LARGE1: variants seen among roughly 807,000 people sequenced by gnomAD.
LARGE1 encodes the protein LARGE xylosyl- and glucuronyltransferase 1.
In LARGE1, 43 loss-of-function variants were observed where a neutral mutation model predicts 87.6. The observed-to-expected ratio is 0.49, with a 90% CI of 0.38 to 0.63. The LOEUF (loss-of-function observed/expected upper bound fraction) is 0.63. Ranked by LOEUF, LARGE1 falls within the 30% of genes least tolerant of loss-of-function variation. LARGE1 has a pLI of 0.00. For missense variants in LARGE1, 802 were observed against 1,000.2 expected, an observed-to-expected ratio of 0.80 and a Z score of 2.67; for synonymous variants, 434 against 394.6, an observed-to-expected ratio of 1.10 and a Z score of -1.18.
intron 2 of LARGE1, among the ~76,000 whole-genome samples, chr22:33,702,820 C>T (rs1419546975): frequency 6.6e-6 from 1 of 152,026 alleles, no homozygotes; most frequent in African/African-American, 2.4e-5. Flanking sequence ...GATGTGTAGG[C>T]TCAAGATATT....
intron 2 of LARGE1, among the ~76,000 whole-genome samples, chr22:33,729,965 TGTGTGTGC>T (rs953741670): frequency 5.9e-5 from 9 of 152,178 alleles, no homozygotes; most frequent in African/African-American, 1.9e-4. Flanking sequence ...TCATGAAGTG[TGTGTGTGC>T]GTGTGTGCAT....
intron 1 of LARGE1, among the ~76,000 whole-genome samples, chr22:33,881,558 T>C (rs1035829501): frequency 4.6e-5 from 7 of 152,234 alleles, no homozygotes; most frequent in Non-Finnish European, 1.0e-4. Context: ...AAAATATGTT[T>C]CCATGGCAAA....
intron 6 of LARGE1, among the ~76,000 whole-genome samples, chr22:33,467,411 G>T (rs1030194702): frequency 6.6e-6 from 1 of 152,158 alleles, no homozygotes; most frequent in African/African-American, 2.4e-5. Context: ...CCAACTTTTT[G>T]TGATAGCTAA....
intron 7 of LARGE1, among the ~76,000 whole-genome samples, chr22:33,397,138 G>A (rs1317333548): frequency 1.3e-5 from 2 of 151,448 alleles, no homozygotes; most frequent in Non-Finnish European, 2.9e-5. Context: ...TTTTTGAGAT[G>A]GAGTTTCGCT....
At chr22:33,278,634 C>G (rs1018416667) in intron 13 of LARGE1, among the ~76,000 whole-genome samples, 2 of 151,980 alleles carry the variant, frequency 1.3e-5, no homozygotes, top group Non-Finnish European at 2.9e-5. Flanking sequence ...TGTCAAAGTA[C>G]AAGTAGTCAG....
At chr22:33,711,186 GC>G (rs2082720321) in intron 2 of LARGE1, among the ~76,000 whole-genome samples, 1 of 152,148 alleles carries the variant, frequency 6.6e-6, no homozygotes, top group South Asian at 2.1e-4. Flanking sequence ...AGAGAGAAGA[GC>G]CCTGCTAAGG....
At chr22:33,921,049 G>C (rs1601922974), upstream of LARGE1, among the ~76,000 whole-genome samples, 1 of 150,376 alleles carries the variant, frequency 6.6e-6, no homozygotes, top group African/African-American at 2.4e-5. The surrounding 1 kb of genome is among the most constrained non-coding windows in gnomAD (Gnocchi z 4.1). Flanking sequence ...GGGGGACCGC[G>C]AGCCGGGGCT....
intron 1 of LARGE1, among the ~76,000 whole-genome samples, chr22:33,894,969 C>T (rs1476869854): frequency 1.3e-5 from 2 of 152,024 alleles, no homozygotes; most frequent in Non-Finnish European, 2.9e-5. Flanking sequence ...AATGGGATAA[C>T]AAATGGGGCA....
intron 6 of LARGE1, among the ~76,000 whole-genome samples, chr22:33,519,241 T>C (rs959913744): frequency 3.3e-5 from 5 of 151,514 alleles, no homozygotes; most frequent in African/African-American, 1.2e-4. Flanking sequence ...CGCGCGTGTG[T>C]GTGTGTGTGT....
At chr22:33,747,051 A>T (rs957772505) in intron 2 of LARGE1, among the ~76,000 whole-genome samples, 6 of 152,178 alleles carry the variant, frequency 3.9e-5, no homozygotes, top group Non-Finnish European at 8.8e-5. Flanking sequence ...CTATATATTA[A>T]ACAAATGCCC....
Position 33,304,449 on chromosome 22 carries a change from A to G in LARGE1, c.1510T>C (p.Tyr504His). 6.2e-7 allele frequency: 1 copy of G among 1,613,770 alleles called. No individual in the cohort carries two copies. Among genetic ancestry groups the G allele is most frequent in the Middle Eastern group, 1.7e-4 (1 of 5,928 alleles). The stretch of plus-strand genomic sequence containing the variant: ...TGCTGGGCCTCGGCGTCTGACAGGT[A>G]GAGGGCCAGGCTGATGGGCCCCTCC... ...HWEGPISLALYLSDAEAQQFL... is the reference protein window; with the variant it reads ...HWEGPISLALHLSDAEAQQFL... The change falls in exon 12 of 15, where the codon TAC (tyrosine) becomes CAC (histidine). Residue 504 changes from tyrosine (Y) to histidine (H), a missense_variant. Around this residue, in one of 2 missense-constraint regions of LARGE1, gnomAD observed 625 missense variants for 841.9 expected, o/e 0.74. Coordinates refer to ENST00000397394, the MANE Select transcript of LARGE1 (RefSeq NM_133642.5).
chr22:33,661,167 T>C (rs978720166), intron 2 of LARGE1, among the ~76,000 whole-genome samples: 4 of 152,012 alleles, frequency 2.6e-5, no homozygotes, highest in Non-Finnish European at 4.4e-5. Flanking sequence ...GCTGTAAGCC[T>C]CAAACTGTCA....
At chr22:33,481,656 A>G (rs2069333023) in intron 6 of LARGE1, among the ~76,000 whole-genome samples, 1 of 152,176 alleles carries the variant, frequency 6.6e-6, no homozygotes, top group Admixed American at 6.5e-5. Context: ...TTTCTGTTGG[A>G]TGAGCAGAGA....
intron 6 of LARGE1, among the ~76,000 whole-genome samples, chr22:33,511,376 C>G (rs982488609): frequency 6.6e-6 from 1 of 152,146 alleles, no homozygotes; most frequent in African/African-American, 2.4e-5. Context: ...GGTGATATTT[C>G]CCTGGCATTT....
At chr22:33,674,180 G>A (rs2081498818) in intron 2 of LARGE1, among the ~76,000 whole-genome samples, 1 of 152,064 alleles carries the variant, frequency 6.6e-6, no homozygotes. Flanking sequence ...CTGACCTCAT[G>A]TGATCTACCT....
intron 2 of LARGE1, among the ~76,000 whole-genome samples, chr22:33,739,131 A>G (rs1385801646): frequency 3.3e-5 from 5 of 152,062 alleles, no homozygotes; most frequent in African/African-American, 1.2e-4. Context: ...AAGTTTGTCA[A>G]GATTAAAAGA....
chr22:33,684,507 T>C (rs573375648), intron 2 of LARGE1, among the ~76,000 whole-genome samples: 146 of 152,170 alleles, frequency 9.6e-4, no homozygotes, highest in Middle Eastern at 3.4e-3. Context: ...GGTATTTCAC[T>C]GATCTCCTGA....
At chr22:33,298,428 A>G (rs1222056346) in intron 12 of LARGE1, among the ~76,000 whole-genome samples, 1 of 152,232 alleles carries the variant, frequency 6.6e-6, no homozygotes, top group Non-Finnish European at 1.5e-5. Flanking sequence ...TTCCTTAAGA[A>G]CTGGGGAAGA....
At chr22:33,855,150 C>T (rs766662809) in intron 1 of LARGE1, among the ~76,000 whole-genome samples, 5 of 151,994 alleles carry the variant, frequency 3.3e-5, no homozygotes, top group African/African-American at 7.3e-5. Context: ...CTGGCAAACA[C>T]GGTGAAACCC....
Sources: allele counts gnomAD v4.1 joint callset (sites outside exome capture counted in the v4.1 genomes callset), GRCh38; gene constraint gnomAD v4.1.1; regional missense constraint gnomAD v4.1.1; non-coding constraint Gnocchi (gnomAD v3.1); transcripts MANE v1.5; gene names NCBI Gene and HGNC (gene_info 2026-07-23, HGNC 2026-07-21).